The following FMN1 variants were observed in gnomAD, a reference collection of about 807,000 sequenced individuals.
FMN1 encodes formin 1.
Under a neutral mutation model 132.4 loss-of-function variants are expected in FMN1, and 110 were observed. The ratio of observed to expected loss-of-function variants is 0.83; its 90% CI spans 0.71 to 0.97. FMN1 has a LOEUF of 0.97. FMN1 is among the 50% of genes least tolerant of loss of function. The pLI is 0.00. For synonymous variants in FMN1, 722 were observed against 651.7 expected (o/e 1.11, Z -1.64); for missense variants, 1,792 against 1,705.3 (o/e 1.05, Z -0.90).
Position 33,026,334 on chromosome 15 carries a change from T to G in FMN1, c.2162-18259A>C, listed in dbSNP as rs1415361264. ...GTATAGATGGTTAATATATAAATAC[T>G]AACTCTACTTTATTCTATTTGTTTG... is the stretch of plus-strand genomic sequence containing the variant. On this transcript the variant is annotated intron_variant, in intron 6 of 20. Coordinates refer to ENST00000616417, the MANE Select transcript of FMN1 (RefSeq NM_001277313.2). Among the ~76,000 whole-genome samples, 8 of 151,572 alleles carry G rather than the reference T, an allele frequency of 5.3e-5. 1 individual carries two copies. The highest frequency in any genetic ancestry group is 6.6e-5 in the Admixed American group (1 of 15,202).
intron 16 of FMN1, among the ~76,000 whole-genome samples, chr15:32,882,016 C>T (rs568754787): frequency 6.6e-6 from 1 of 152,120 alleles, no homozygotes; most frequent in East Asian, 1.9e-4. Context: ...GTCAGAGAGA[C>T]AGAGAGGGAG....
At position 32,830,877 on chromosome 15, in the gene FMN1, C is replaced by T. The variant is rs79249039; in HGVS notation, c.3928+26138G>A. On this transcript the variant is annotated intron_variant, in intron 17 of 20. Coordinates refer to ENST00000616417, the MANE Select transcript of FMN1 (RefSeq NM_001277313.2). ...AAGTAGTGCAAATGACATCTAAAGACGGGATGAAATGTAACCTTTCAGATC... is the reference window on the plus strand; with the variant it reads ...AAGTAGTGCAAATGACATCTAAAGATGGGATGAAATGTAACCTTTCAGATC... Among the ~76,000 whole-genome samples, 111 of 152,188 alleles carry T rather than the reference C, an allele frequency of 7.3e-4. No homozygotes were observed. In the East Asian group the frequency reaches 0.015, roughly 20 times the overall value.
At chr15:32,910,382 AC>A in intron 11 of FMN1, 91 bp downstream of exon 11, 1 of 1,057,574 alleles carries the variant, frequency 9.5e-7, no homozygotes, top group Non-Finnish European at 1.4e-6. Context: ...CCACGTCAAA[AC>A]CCTTACTACC....
chr15:33,127,288 G>A (rs748252430), intron 4 of FMN1, among the ~76,000 whole-genome samples: 2 of 152,122 alleles, frequency 1.3e-5, no homozygotes, highest in Non-Finnish European at 2.9e-5. Flanking sequence ...ACAAGAATCC[G>A]TCAAATAAGT....
At chr15:33,045,833 C>A (rs1454991) in intron 6 of FMN1, among the ~76,000 whole-genome samples, 20,538 of 152,150 alleles carry the variant, frequency 0.13, 1,571 homozygotes, top group Middle Eastern at 0.22. Context: ...GAAAAAAAAT[C>A]ATTGGCTAAA....
At position 32,994,795 on chromosome 15, in the gene FMN1, A is replaced by G. The variant is rs144592629; in HGVS notation, c.2223+13219T>C. Among the ~76,000 whole-genome samples, 182 of 152,290 alleles carry G rather than the reference A, an allele frequency of 1.2e-3. 2 individuals carry two copies. The East Asian group carries it at 0.025, about 21-fold the overall frequency. On this transcript the variant is annotated intron_variant, in intron 7 of 20. Transcript: ENST00000616417. The stretch of plus-strand genomic sequence containing the variant: ...AAGGTGGTCCTTTGTCATTTGTTAT[A>G]TAGAATGTACCTATTTACAGCCATA...
At position 32,901,870 on chromosome 15, in the gene FMN1, T is replaced by C. The variant is rs1327988480; in HGVS notation, c.3507+41A>G. On this transcript the variant is annotated intron_variant, in intron 13 of 20. Transcript: ENST00000616417. Reference sequence around the variant, plus strand: ...GTCTCTCCCACTTTCTTCTTTACTCTTCAGAGCAAGGCTATCTTTTAAATT... The same window carrying C: ...GTCTCTCCCACTTTCTTCTTTACTCCTCAGAGCAAGGCTATCTTTTAAATT... 3.2e-6 allele frequency: 5 copies of C among 1,559,924 alleles called. No individual in the cohort carries two copies. In the African/African-American group the frequency reaches 5.5e-5, roughly 17 times the overall value.
intron 5 of FMN1, among the ~76,000 whole-genome samples, chr15:33,083,903 G>A (rs1595435741): frequency 1.3e-5 from 2 of 152,176 alleles, no homozygotes; most frequent in East Asian, 1.9e-4. Flanking sequence ...CATCCTCACG[G>A]CTCATTACAT....
intron 6 of FMN1, among the ~76,000 whole-genome samples, chr15:33,011,213 G>A (rs2034699409): frequency 6.6e-6 from 1 of 152,038 alleles, no homozygotes; most frequent in African/African-American, 2.4e-5. Context: ...TTAACAAATA[G>A]GCTAATAAGA....
chr15:33,089,115 T>C (rs2038813048), intron 4 of FMN1, 141 bp from the exon 5 acceptor site: 4 of 711,464 alleles, frequency 5.6e-6, no homozygotes, highest in Non-Finnish European at 8.8e-6. Context: ...AAGAGACTGC[T>C]TTCCTTTAAA....
chr15:32,902,984 G>T (rs1165062126), intron 12 of FMN1, among the ~76,000 whole-genome samples: 2 of 152,182 alleles, frequency 1.3e-5, no homozygotes, highest in Admixed American at 6.5e-5. Context: ...AAGGAATTTT[G>T]CCATCTCTCA....
rs143966770 is a variant in FMN1, at chr15:32,909,500, G to A, written c.3289-922C>T. 7.2e-3 allele frequency among the ~76,000 whole-genome samples: 1,100 copies of A among 152,272 alleles called. 6 individuals carry two copies. The highest frequency in any genetic ancestry group is 0.017 in the Middle Eastern group (5 of 294). On this transcript the variant is annotated intron_variant, in intron 11 of 20. Coordinates refer to ENST00000616417, the MANE Select transcript of FMN1 (RefSeq NM_001277313.2). Reference sequence around the variant, plus strand: ...AAGATGTGAAAATGAGCAAGGAATTGGTGATGCCACCAAGCCTAGACTATT... The same window carrying A: ...AAGATGTGAAAATGAGCAAGGAATTAGTGATGCCACCAAGCCTAGACTATT...
intron 5 of FMN1, among the ~76,000 whole-genome samples, chr15:33,072,402 G>A (rs890430972): frequency 1.3e-5 from 2 of 152,170 alleles, no homozygotes; most frequent in Non-Finnish European, 2.9e-5. Flanking sequence ...CAAGTAGATG[G>A]AGGGACAACT....
chr15:33,014,490 A>C (rs1301934626), intron 6 of FMN1, among the ~76,000 whole-genome samples: 1 of 152,266 alleles, frequency 6.6e-6, no homozygotes, highest in Non-Finnish European at 1.5e-5. Context: ...TTGAAGTCAC[A>C]TTAGCCCCTA....
chr15:33,082,093 A>AGGTGTGTGTGTG (rs2038498655), intron 5 of FMN1, among the ~76,000 whole-genome samples: 1 of 120,334 alleles, frequency 8.3e-6, no homozygotes, highest in Admixed American at 8.2e-5. Flanking sequence ...CTGGAAAACA[A>AGGTGTGTGTGTG]TGTGTGTGTG....
chr15:32,877,537 G>C (rs1452634548), intron 16 of FMN1, among the ~76,000 whole-genome samples: 3 of 152,164 alleles, frequency 2.0e-5, no homozygotes, highest in Non-Finnish European at 4.4e-5. Flanking sequence ...GAGAATTATA[G>C]AATGCACTGA....
At chr15:33,066,706 G>A (rs767496772) in intron 5 of FMN1, 3 of 1,613,722 alleles carry the variant, frequency 1.9e-6, no homozygotes, top group Non-Finnish European at 2.5e-6. Flanking sequence ...ACTTTGGCTT[G>A]ACCTCACCAC....
At chr15:33,109,911 A>G (rs905657862) in intron 4 of FMN1, among the ~76,000 whole-genome samples, 5 of 152,044 alleles carry the variant, frequency 3.3e-5, no homozygotes, top group Admixed American at 6.6e-5. Flanking sequence ...AAAAACCTAA[A>G]AAAGTAAGAC....
At chr15:33,089,852 T>C (rs1470632060) in intron 4 of FMN1, among the ~76,000 whole-genome samples, 2 of 152,184 alleles carry the variant, frequency 1.3e-5, no homozygotes, top group Non-Finnish European at 2.9e-5. Context: ...AACAAAAGGA[T>C]TTTACGGTCA....
Sources: allele counts gnomAD v4.1 joint callset (sites outside exome capture counted in the v4.1 genomes callset), GRCh38; gene constraint gnomAD v4.1.1; transcripts MANE v1.5; gene names NCBI Gene and HGNC (gene_info 2026-07-23, HGNC 2026-07-21).